ZNF473: variants seen among roughly 807,000 people sequenced by gnomAD.
ZNF473 encodes zinc finger protein 473.
In ZNF473, 4 loss-of-function variants were observed where a neutral mutation model predicts 11.1. The observed-to-expected ratio is 0.36, with a 90% CI of 0.18 to 0.82. The LOEUF is 0.82. Ranked by LOEUF, ZNF473 falls within the 40% of genes least tolerant of loss-of-function variation. The pLI is 0.49. For missense variants in ZNF473, 854 were observed against 1,084.0 expected (o/e 0.79, Z 2.98); for synonymous variants, 404 against 390.4 (o/e 1.03, Z -0.41).
chr19:50,044,293 T>C (rs575981574), intron 4 of ZNF473, among the ~76,000 whole-genome samples: 1 of 152,138 alleles, frequency 6.6e-6, no homozygotes, highest in Non-Finnish European at 1.5e-5. Context: ...ACTGGATGGA[T>C]GGTGGTGTGG....
chr19:50,031,114 C>G (rs2077315464), intron 2 of ZNF473, 23 bp downstream of exon 2: 3 of 1,563,248 alleles, frequency 1.9e-6, no homozygotes, highest in South Asian at 1.2e-5. Context: ...TCGCTCTGTC[C>G]TAATCGGTCA....
intron 2 of ZNF473, among the ~76,000 whole-genome samples, chr19:50,035,264 G>A (rs767993040): frequency 6.6e-6 from 1 of 151,942 alleles, no homozygotes; most frequent in East Asian, 1.9e-4. Flanking sequence ...CTGCACTCCA[G>A]CCTGGGTGAC....
Position 50,039,891 on chromosome 19 carries a change from G to A in ZNF473, c.136+604G>A, listed in dbSNP as rs10405907. Among the ~76,000 whole-genome samples, 8,006 of 152,254 alleles carry A rather than the reference G, an allele frequency of 0.053. 693 individuals are homozygous for A. Among genetic ancestry groups the A allele is most frequent in the African/African-American group, 0.18 (7,593 of 41,522 alleles). ...AGGGCGTGTCCCCAGTGTTTGGAACGAACAGTACCTGCTCTAGGGCCCAGC... is the reference window on the plus strand; with the variant it reads ...AGGGCGTGTCCCCAGTGTTTGGAACAAACAGTACCTGCTCTAGGGCCCAGC... On this transcript the variant is annotated intron_variant, in intron 3 of 4. Transcript: ENST00000270617. This position sits in a 1 kb window ranked among gnomAD's most constrained non-coding sequence, Gnocchi z 4.8.
intron 2 of ZNF473, among the ~76,000 whole-genome samples, chr19:50,032,875 T>C (rs1034203859): frequency 9.2e-5 from 14 of 152,176 alleles, no homozygotes; most frequent in African/African-American, 2.4e-4. Flanking sequence ...TCACAGGATG[T>C]CCTCCCTGTA....
rs774175466 is a variant in ZNF473, at chr19:50,046,219, A to G, written c.1776A>G (p.Glu592=). ...ACACCAGGGGAGTGAAGCCCTTTGA[A>G]TGTGACCAGTGTGGGAAAGCCTTTG... The part of the protein sequence containing the change: ...RIHTRGVKPF[E]CDQCGKAFGQ... Residue 592 remains glutamate (E), a synonymous_variant, in exon 5 of 5, where the codon GAA becomes GAG. Transcript: ENST00000270617. This position sits in a 1 kb window ranked among gnomAD's most constrained non-coding sequence, Gnocchi z 5.9. The G allele has an allele frequency of 1.9e-6, 3 of 1,614,188 alleles. No individual in the cohort carries two copies. Among genetic ancestry groups the G allele is most frequent in the Non-Finnish European group, 1.7e-6 (2 of 1,180,042 alleles).
At chr19:50,041,864 G>A (rs1978795828) in intron 4 of ZNF473, 45 bp downstream of exon 4, 4 of 1,511,498 alleles carry the variant, frequency 2.6e-6, no homozygotes, top group Non-Finnish European at 2.7e-6. Flanking sequence ...CTGTCTTCCA[G>A]ACCTCCATCC....
intron 1 of ZNF473, among the ~76,000 whole-genome samples, chr19:50,028,565 G>C (rs1036870003): frequency 6.6e-6 from 1 of 151,270 alleles, no homozygotes; most frequent in Non-Finnish European, 1.5e-5. Flanking sequence ...GGCTGGTCTC[G>C]AACACCTTTC....
In ZNF473 at chr19:50,045,507, C is replaced by CCTTCAA; in HGVS notation, c.1068_1073dup (p.Phe356_Asn357dup). The CCTTCAA allele has an allele frequency of 6.2e-7, 1 of 1,614,208 alleles. No homozygotes were observed. Among genetic ancestry groups the CCTTCAA allele is most frequent in the Middle Eastern group, 1.6e-4 (1 of 6,062 alleles). ...TATGAGTGTTCCAAGTGCCAGGCGA[C>CCTTCAA]CTTCAACTTGAGAAAACACCTCATC... On this transcript the variant is annotated inframe_insertion, in exon 5 of 5. Coordinates refer to ENST00000270617, the MANE Select transcript of ZNF473 (RefSeq NM_015428.4).
chr19:50,038,910 G>A (rs1978617887), intron 2 of ZNF473, among the ~76,000 whole-genome samples: 1 of 152,236 alleles, frequency 6.6e-6, no homozygotes, highest in South Asian at 2.1e-4. Context: ...GGATCAGGCA[G>A]ACCTGGGTTC....
rs1978650679 is a variant in ZNF473 at position 50,039,419 on chromosome 19, C to T, written c.136+132C>T. Reference sequence around the variant, plus strand: ...CAGCATGACCTAGCCCAGCAGTTCTCAGCTGGCCGAGGAGACATTGGCAAT... The same window carrying T: ...CAGCATGACCTAGCCCAGCAGTTCTTAGCTGGCCGAGGAGACATTGGCAAT... On this transcript the variant is annotated intron_variant, in intron 3 of 4. Transcript: ENST00000270617. This position sits in a 1 kb window ranked among gnomAD's most constrained non-coding sequence, Gnocchi z 4.8. The T allele has an allele frequency of 8.0e-7, 1 of 1,251,374 alleles. No homozygotes were observed. The highest frequency in any genetic ancestry group is 1.5e-5 in the South Asian group (1 of 68,100). 77.5% of individuals were successfully genotyped at this position (1,251,374 alleles called of 1,614,324 possible).
At position 50,045,815 on chromosome 19, in the gene ZNF473, C is replaced by T. The variant is rs1192450961; in HGVS notation, c.1372C>T (p.Pro458Ser). ...TCGGCGAATTCATACAGGCTACAGA[C>T]CCCACAAATGTCAGGAATGCGTCAG... is the stretch of plus-strand genomic sequence containing the variant. ...EHRRIHTGYR[P>S]HKCQECVRSF... The change falls in exon 5 of 5, where the codon CCC (proline) becomes TCC (serine). Residue 458 changes from proline (P) to serine (S), a missense_variant. Pro to Ser is a moderately conservative substitution (Grantham distance 74). Transcript: ENST00000270617. The T allele has an allele frequency of 5.0e-6, 8 of 1,614,072 alleles. No homozygotes were observed. The highest frequency in any genetic ancestry group is 1.1e-5 in the South Asian group (1 of 91,084).
chr19:50,046,562 T>C lies in ZNF473; in HGVS notation c.2119T>C (p.Cys707Arg). 1 of 1,614,258 alleles carries C rather than the reference T, an allele frequency of 6.2e-7. No homozygotes were observed. Among genetic ancestry groups the C allele is most frequent in the Non-Finnish European group, 8.5e-7 (1 of 1,180,048 alleles). Reference sequence around the variant, plus strand: ...AAAGAAGCCGTTGGTGTGTAACGAATGCGGGAAAACGTTCCGTCAGAGCTC... The same window carrying C: ...AAAGAAGCCGTTGGTGTGTAACGAACGCGGGAAAACGTTCCGTCAGAGCTC... ...ARKKPLVCNE[C>R]GKTFRQSSCL... Residue 707 changes from cysteine to arginine, a missense_variant, in exon 5 of 5, where the codon TGC becomes CGC. By Grantham distance (180) the Cys-to-Arg change is radical. Transcript: ENST00000270617. This position sits in a 1 kb window ranked among gnomAD's most constrained non-coding sequence, Gnocchi z 5.9.
intron 4 of ZNF473, chr19:50,043,446 AAAATATAT>A (rs1381142647): frequency 2.8e-5 from 3 of 107,364 alleles, no homozygotes; most frequent in South Asian, 3.3e-4. Flanking sequence ...AAAAAAAAAA[AAAATATAT>A]ATATATATAT....
intron 4 of ZNF473, 99 bp from the exon 5 acceptor site, chr19:50,044,571 C>T: frequency 9.8e-7 from 1 of 1,020,890 alleles, no homozygotes; most frequent in South Asian, 1.6e-5. Context: ...CTTTGGGTCC[C>T]TTGATGGATA....
At chr19:50,028,849 G>T (rs1480158640) in intron 1 of ZNF473, among the ~76,000 whole-genome samples, 1 of 152,208 alleles carries the variant, frequency 6.6e-6, no homozygotes, top group Non-Finnish European at 1.5e-5. Context: ...TATACTCGTA[G>T]GTTGAGGCTT....
At position 50,045,775 on chromosome 19, in the gene ZNF473, T is replaced by C. The variant is rs1979072464; in HGVS notation, c.1332T>C (p.Thr444=). ...SECGKAFHRH[T]HLNEHRRIHT... is the part of the protein sequence containing the mutation. ...GTGGGAAGGCCTTCCACCGGCACACTCACCTTAATGAACATCGGCGAATTC... is the reference window on the plus strand; with the variant it reads ...GTGGGAAGGCCTTCCACCGGCACACCCACCTTAATGAACATCGGCGAATTC... The change falls in exon 5 of 5, where the codon ACT becomes ACC. Residue 444 remains threonine (T), a synonymous_variant. Transcript: ENST00000270617. 1.2e-6 allele frequency: 2 copies of C among 1,613,772 alleles called. No homozygotes were observed. The highest frequency in any genetic ancestry group is 2.2e-5 in the East Asian group (1 of 44,888).
At position 50,046,369 on chromosome 19, in the gene ZNF473, G is replaced by A; in HGVS notation, c.1926G>A (p.Lys642=). The change falls in exon 5 of 5, where the codon AAG becomes AAA. Residue 642 remains lysine (K), a synonymous_variant. Transcript: ENST00000270617. This position sits in a 1 kb window ranked among gnomAD's most constrained non-coding sequence, Gnocchi z 5.9. The stretch of plus-strand genomic sequence containing the variant: ...TCAAACTTCAGTCCTTCCACACAAA[G>A]GAGCACCCTTTTAAATGTAACGAAT... The part of the protein sequence containing the change: ...SLIKLQSFHT[K]EHPFKCNECG... 6.2e-7 allele frequency: 1 copy of A among 1,614,150 alleles called. No individual in the cohort carries two copies. The highest frequency in any genetic ancestry group is 8.5e-7 in the Non-Finnish European group (1 of 1,180,026).
chr19:50,038,092 G>A (rs900580137), intron 2 of ZNF473, among the ~76,000 whole-genome samples: 2 of 145,480 alleles, frequency 1.4e-5, no homozygotes, highest in African/African-American at 2.5e-5. Flanking sequence ...CTGTAGCCTC[G>A]ACCTCCTTGG....
intron 1 of ZNF473, among the ~76,000 whole-genome samples, chr19:50,027,488 G>A (rs2077292255): frequency 6.6e-6 from 1 of 152,158 alleles, no homozygotes; most frequent in African/African-American, 2.4e-5. Flanking sequence ...CTCTGGGCTG[G>A]ATGACCTTGG....
Sources: allele counts gnomAD v4.1 joint callset (sites outside exome capture counted in the v4.1 genomes callset), GRCh38; gene constraint gnomAD v4.1.1; non-coding constraint Gnocchi (gnomAD v3.1); transcripts MANE v1.5; gene names NCBI Gene and HGNC (gene_info 2026-07-23, HGNC 2026-07-21).